Variants in GRHL3 observed in about 807,000 individuals in gnomAD.
GRHL3 encodes grainyhead-like protein 3 homolog.
A neutral mutation model predicts 70.3 loss-of-function variants in GRHL3; 20 were observed. The observed-to-expected ratio is 0.28, with a 90% CI of 0.20 to 0.41. The LOEUF is 0.41. Among genes scored for constraint, GRHL3 ranks in the 10% least tolerant of loss-of-function variants. The pLI is 1.00. For synonymous variants in GRHL3, 299 were observed against 299.9 expected, an observed-to-expected ratio of 1.00 and a Z score of 0.03; for missense variants, 637 against 762.3, an observed-to-expected ratio of 0.84 and a Z score of 1.94.
chr1:24,341,260 T>C (rs1260675118), intron 8 of GRHL3, among the ~76,000 whole-genome samples: 2 of 152,092 alleles, frequency 1.3e-5, no homozygotes, highest in Non-Finnish European at 2.9e-5. Flanking sequence ...CAGCTGTCCC[T>C]CTCATGGCAA....
chr1:24,325,231 T>A (rs114957127), intron 1 of GRHL3, among the ~76,000 whole-genome samples: 116 of 152,314 alleles, frequency 7.6e-4, no homozygotes, highest in African/African-American at 2.5e-3. Flanking sequence ...GGGTCTAGCC[T>A]GCTGGATCTG....
chr1:24,343,041 G>C lies in GRHL3; in HGVS notation c.1419+16G>C. On this transcript the variant is annotated intron_variant, in intron 11 of 15. Coordinates refer to ENST00000361548, the MANE Select transcript of GRHL3 (RefSeq NM_198173.3). ...CTCTGGAGGGGTGAGGCCAGGGCTG[G>C]GGTCTCGGGAAGGAGCCGAGAGAGG... The C allele has an allele frequency of 6.2e-7, 1 of 1,613,962 alleles. No individual in the cohort carries two copies. The highest frequency in any genetic ancestry group is 1.1e-5 in the South Asian group (1 of 91,072).
rs1188591207 is a variant in GRHL3 at position 24,322,501 on chromosome 1, G to C, written c.17+2933G>C. On this transcript the variant is annotated intron_variant, in intron 1 of 15. Coordinates refer to ENST00000361548, the MANE Select transcript of GRHL3 (RefSeq NM_198173.3). The surrounding 1 kb of genome is among the most constrained non-coding windows in gnomAD (Gnocchi z 4.4). Reference sequence around the variant, plus strand: ...TATTAAAAGTCGGAGCTACGCTGCTGCTGAATGAAAAGTTAAAAGCCCTCT... The same window carrying C: ...TATTAAAAGTCGGAGCTACGCTGCTCCTGAATGAAAAGTTAAAAGCCCTCT... 2.0e-5 allele frequency among the ~76,000 whole-genome samples: 3 copies of C among 152,370 alleles called. No homozygotes were observed. The highest frequency in any genetic ancestry group is 7.2e-5 in the African/African-American group (3 of 41,590).
At chr1:24,353,846 C>T (rs1382417041) in intron 15 of GRHL3, among the ~76,000 whole-genome samples, 9 of 152,058 alleles carry the variant, frequency 5.9e-5, no homozygotes, top group Admixed American at 1.3e-4. Context: ...TGGGCCTAGC[C>T]CCTCAAGTCT....
At chr1:24,355,584 G>C (rs1413268907), downstream of GRHL3, among the ~76,000 whole-genome samples, 1 of 152,190 alleles carries the variant, frequency 6.6e-6, no homozygotes, top group Non-Finnish European at 1.5e-5. Flanking sequence ...TCCTGGGAAG[G>C]GTGTAGAATG....
At chr1:24,344,161 G>T (rs925725919) in intron 11 of GRHL3, among the ~76,000 whole-genome samples, 12 of 152,146 alleles carry the variant, frequency 7.9e-5, no homozygotes, top group African/African-American at 2.9e-4. Flanking sequence ...GAGAGGGGAA[G>T]CCCAGGGCAA....
At chr1:24,360,828 A>G (rs1170026314) in intron 15 of GRHL3, 7 of 1,569,688 alleles carry the variant, frequency 4.5e-6, no homozygotes, top group Non-Finnish European at 6.0e-6. Context: ...GGTTTTTACA[A>G]TCATTTAAAA....
Position 24,319,412 on chromosome 1 carries a change from C to T in GRHL3, c.-140C>T. The stretch of plus-strand genomic sequence containing the variant: ...AGCGCCAGCGCTGCTGGGAACCTAC[C>T]TGTCAGCAAAATCTCGACACCCAAA... On this transcript the variant is annotated 5_prime_UTR_variant, in exon 1 of 16. Transcript: ENST00000361548. 1.1e-6 allele frequency: 1 copy of T among 920,908 alleles called. No homozygotes were observed. The highest frequency in any genetic ancestry group is 2.4e-5 in the East Asian group (1 of 41,510). The allele number at this position is 920,908 out of a possible 1,614,324, so 57.0% of individuals were successfully genotyped here. A position where few individuals can be genotyped will look rare whatever the true frequency, so the allele number is the denominator to read the frequency against.
chr1:24,337,378 T>A (rs531954560), intron 5 of GRHL3: 43 of 591,918 alleles, frequency 7.3e-5, no homozygotes, highest in Non-Finnish European at 1.2e-4. Context: ...CTTTTATCCT[T>A]AGTTTTCCCT....
chr1:24,332,541 A>T (rs1310989763), intron 2 of GRHL3, among the ~76,000 whole-genome samples: 1 of 152,180 alleles, frequency 6.6e-6, no homozygotes, highest in African/African-American at 2.4e-5. Flanking sequence ...GAGGCTGCAG[A>T]ATCTTTGTCA....
At chr1:24,338,210 T>A in intron 7 of GRHL3, 107 bp downstream of exon 7, 1 of 702,066 alleles carries the variant, frequency 1.4e-6, no homozygotes, top group Non-Finnish European at 2.3e-6. Context: ...GGCTCTGACC[T>A]CTGTCTCCAG....
chr1:24,337,882 T>C, intron 6 of GRHL3, 93 bp downstream of exon 6: 1 of 1,576,380 alleles, frequency 6.3e-7, no homozygotes, highest in Non-Finnish European at 8.7e-7. Flanking sequence ...AAAGGCTGTT[T>C]GATAATAGCC....
rs142785065 is a variant in GRHL3 at position 24,331,525 on chromosome 1, G to A, written c.117G>A (p.Pro39=). ...CCTGGAAGACGTACCTAGAAAACCC[G>A]TTGACAGCTGCCACAAAGGCCATGA... ...DEAWKTYLEN[P]LTAATKAMMR... is the part of the protein sequence containing the mutation. Residue 39 remains proline, a synonymous_variant, in exon 2 of 16, where the codon CCG becomes CCA. Coordinates refer to ENST00000361548, the MANE Select transcript of GRHL3 (RefSeq NM_198173.3). 32 of 1,614,012 alleles carry A rather than the reference G, an allele frequency of 2.0e-5. 1 individual carries two copies. Among genetic ancestry groups the A allele is most frequent in the Middle Eastern group, 3.3e-4 (2 of 6,084 alleles).
At chr1:24,323,914 A>G (rs1639298668) in intron 1 of GRHL3, among the ~76,000 whole-genome samples, 1 of 152,246 alleles carries the variant, frequency 6.6e-6, no homozygotes, top group African/African-American at 2.4e-5. Context: ...GGGAACTTTC[A>G]AGGGCAGGGA....
rs1322413381 is a variant in GRHL3, at chr1:24,334,668, G to T, written c.228G>T (p.Leu76Phe). ...YYMGPKEKRILSSSTGGRNDQ... is the reference protein window; with the variant it reads ...YYMGPKEKRIFSSSTGGRNDQ... ...AGGGTCCCAAGGAGAAGCGGATATT[G>T]TCCTCCAGCACTGGGGGCAGGAATG... Residue 76 changes from leucine (L) to phenylalanine (F), a missense_variant, in exon 3 of 16, where the codon TTG becomes TTT. Transcript: ENST00000361548. The surrounding 1 kb of genome is among the most constrained non-coding windows in gnomAD (Gnocchi z 4.3). 3 of 1,611,698 alleles carry T rather than the reference G, an allele frequency of 1.9e-6. No homozygotes were observed. The highest frequency in any genetic ancestry group is 1.6e-4 in the Middle Eastern group (1 of 6,084).
chr1:24,336,330 G>T, intron 3 of GRHL3, 152 bp from the exon 4 acceptor site: 1 of 552,660 alleles, frequency 1.8e-6, no homozygotes. Context: ...GTGGCCAATT[G>T]GGCTGCTACA....
chr1:24,362,850 G>A (rs1557430117), intron 15 of GRHL3, among the ~76,000 whole-genome samples: 2 of 152,150 alleles, frequency 1.3e-5, no homozygotes, highest in African/African-American at 2.4e-5. Flanking sequence ...GTACCCACAG[G>A]GAAAGGGGGG....
chr1:24,355,472 G>A (rs145859216), downstream of GRHL3, among the ~76,000 whole-genome samples: 423 of 152,290 alleles, frequency 2.8e-3, 2 homozygotes, highest in African/African-American at 9.4e-3. Context: ...GCAGGGCACC[G>A]GTGGAGCAGA....
At chr1:24,346,697 T>C in intron 13 of GRHL3, 56 bp downstream of exon 13, 1 of 1,344,596 alleles carries the variant, frequency 7.4e-7, no homozygotes, top group Non-Finnish European at 1.1e-6. Flanking sequence ...CCCACCTCCC[T>C]CATGGGCTTT....
Sources: gnomAD v4.1 joint callset for allele counts (sites outside exome capture counted in the v4.1 genomes callset) on GRCh38, gnomAD v4.1.1 for gene constraint, Gnocchi (gnomAD v3.1) non-coding constraint, MANE v1.5 for transcripts, NCBI Gene and HGNC (gene_info 2026-07-23, HGNC 2026-07-21) for gene names.